The following CDH4 variants were observed in gnomAD, a reference collection of about 807,000 sequenced individuals.
CDH4 encodes cadherin-4.
In CDH4, 33 loss-of-function variants were observed where a neutral mutation model predicts 86.0. The ratio of observed to expected loss-of-function variants is 0.38; its 90% CI spans 0.29 to 0.51. The LOEUF is 0.51. Among genes scored for constraint, CDH4 ranks in the 20% least tolerant of loss-of-function variants. The pLI is 0.86. For synonymous variants in CDH4, 555 were observed against 549.4 expected, an observed-to-expected ratio of 1.01 and a Z score of -0.14; for missense variants, 1,114 against 1,307.4, an observed-to-expected ratio of 0.85 and a Z score of 2.28.
intron 2 of CDH4, among the ~76,000 whole-genome samples, chr20:61,288,352 C>A (rs2084304060): frequency 1.3e-5 from 2 of 152,176 alleles, no homozygotes; most frequent in African/African-American, 4.8e-5. Flanking sequence ...GGCAGACAAC[C>A]TAATGCCCTT....
chr20:61,519,418 C>T (rs1030091629), intron 2 of CDH4, among the ~76,000 whole-genome samples: 21 of 152,182 alleles, frequency 1.4e-4, no homozygotes, highest in Non-Finnish European at 2.4e-4. Flanking sequence ...ATGCAGGTGC[C>T]GGCGGGAGGT....
Position 61,590,442 on chromosome 20 carries a change from ACT to A in CDH4, c.170-153115_170-153114del, listed in dbSNP as rs1277109704. 1.8e-4 allele frequency among the ~76,000 whole-genome samples: 27 copies of A among 152,084 alleles called. No homozygotes were observed. In the East Asian group the frequency reaches 4.8e-3, roughly 27 times the overall value. ...CGTCTACTCACACCCGAAGGAGGGC[ACT>A]CTCTCCCGATCTGCGACAGTCAGCC... On this transcript the variant is annotated intron_variant, in intron 2 of 15. Transcript: ENST00000614565.
chr20:61,889,342 G>GGA (rs1240912523), intron 7 of CDH4, among the ~76,000 whole-genome samples: 2 of 145,988 alleles, frequency 1.4e-5, no homozygotes, highest in African/African-American at 2.6e-5. Context: ...GGATGGATGG[G>GGA]TGAGTGGATG....
intron 2 of CDH4, among the ~76,000 whole-genome samples, chr20:61,432,041 C>T (rs2085250393): frequency 6.6e-6 from 1 of 152,178 alleles, no homozygotes; most frequent in African/African-American, 2.4e-5. Flanking sequence ...TATCCGTTCC[C>T]CTTCTGATGT....
rs547577961 is a variant in CDH4, at chr20:61,259,336, A to T, written c.169+4399A>T. On this transcript the variant is annotated intron_variant, in intron 2 of 15. Coordinates refer to ENST00000614565, the MANE Select transcript of CDH4 (RefSeq NM_001794.5). ...TAGGTTGAAGATAGGCTCTTTGCCC[A>T]TGCAGTTTGGTTTGAACCACCTCTG... 8.5e-5 allele frequency among the ~76,000 whole-genome samples: 13 copies of T among 152,330 alleles called. No homozygotes were observed. In the South Asian group the frequency reaches 2.7e-3, roughly 32 times the overall value.
intron 4 of CDH4, among the ~76,000 whole-genome samples, chr20:61,831,284 T>A (rs569984893): frequency 5.0e-4 from 76 of 152,342 alleles, no homozygotes; most frequent in African/African-American, 1.7e-3. Flanking sequence ...TGGTGATGGG[T>A]CCTCGTGGTG....
chr20:61,529,580 A>G (rs2085936899), intron 2 of CDH4, among the ~76,000 whole-genome samples: 1 of 152,234 alleles, frequency 6.6e-6, no homozygotes, highest in African/African-American at 2.4e-5. Context: ...AATCTCTGTC[A>G]TCTGCAGGTC....
At chr20:61,554,969 G>A (rs928424953) in intron 2 of CDH4, among the ~76,000 whole-genome samples, 1 of 152,256 alleles carries the variant, frequency 6.6e-6, no homozygotes, top group African/African-American at 2.4e-5. Context: ...GTGCAAGTGT[G>A]TTTACATGGC....
intron 2 of CDH4, among the ~76,000 whole-genome samples, chr20:61,275,385 G>A (rs1170636165): frequency 7.7e-5 from 8 of 104,022 alleles, no homozygotes; most frequent in Non-Finnish European, 1.1e-4. Context: ...GGGGAGTACT[G>A]TGTGCAGTTT....
intron 4 of CDH4, among the ~76,000 whole-genome samples, chr20:61,789,082 C>G (rs1979028006): frequency 6.6e-6 from 1 of 152,134 alleles, no homozygotes; most frequent in Non-Finnish European, 1.5e-5. Flanking sequence ...TCGTCTGACA[C>G]AGGTGTGGGT....
At chr20:61,770,048 G>T (rs1231993352) in intron 3 of CDH4, among the ~76,000 whole-genome samples, 1 of 152,152 alleles carries the variant, frequency 6.6e-6, no homozygotes, top group African/African-American at 2.4e-5. Context: ...GTCTGGGCGA[G>T]GAAAGCATGG....
intron 2 of CDH4, among the ~76,000 whole-genome samples, chr20:61,266,417 G>A (rs1001005003): frequency 2.0e-5 from 3 of 151,996 alleles, no homozygotes; most frequent in South Asian, 2.1e-4. Context: ...TTCTGTGTCT[G>A]TATTGGAGAA....
At chr20:61,830,612 C>T (rs1346447844) in intron 4 of CDH4, among the ~76,000 whole-genome samples, 3 of 152,244 alleles carry the variant, frequency 2.0e-5, no homozygotes, top group Non-Finnish European at 1.5e-5. Flanking sequence ...AGCTTGCCCA[C>T]CTCAACAGAC....
chr20:61,554,659 C>A (rs1410045605), intron 2 of CDH4, among the ~76,000 whole-genome samples: 1 of 152,238 alleles, frequency 6.6e-6, no homozygotes, highest in Non-Finnish European at 1.5e-5. Flanking sequence ...GCTGAGCCTG[C>A]AGTGGGTGGG....
chr20:61,347,175 C>T (rs2084684403), intron 2 of CDH4, among the ~76,000 whole-genome samples: 1 of 152,224 alleles, frequency 6.6e-6, no homozygotes, highest in Non-Finnish European at 1.5e-5. Context: ...TGTGGGAGAC[C>T]AAAGTCATAG....
At chr20:61,734,028 C>G (rs2088229961) in intron 2 of CDH4, among the ~76,000 whole-genome samples, 1 of 152,216 alleles carries the variant, frequency 6.6e-6, no homozygotes, top group South Asian at 2.1e-4. Context: ...GTCTCCTGGC[C>G]CCTTTCACAG....
intron 2 of CDH4, among the ~76,000 whole-genome samples, chr20:61,351,407 G>A (rs1012154397): frequency 4.6e-5 from 7 of 152,138 alleles, no homozygotes; most frequent in Admixed American, 1.3e-4. Flanking sequence ...GGACTTGGGC[G>A]TCTACAGATT....
chr20:61,634,031 G>A (rs1448147501), intron 2 of CDH4, among the ~76,000 whole-genome samples: 3 of 152,142 alleles, frequency 2.0e-5, no homozygotes, highest in African/African-American at 4.8e-5. Context: ...TGAAACCTAC[G>A]GCAAGTCAGT....
chr20:61,272,825 A>C (rs914282836), intron 2 of CDH4, among the ~76,000 whole-genome samples: 3 of 128,602 alleles, frequency 2.3e-5, no homozygotes, highest in South Asian at 2.7e-4. Flanking sequence ...GGGGAGTACT[A>C]TGTGCAGTTT....
Sources: gnomAD v4.1 joint callset for allele counts (sites outside exome capture counted in the v4.1 genomes callset) on GRCh38, gnomAD v4.1.1 for gene constraint, MANE v1.5 for transcripts, NCBI Gene and HGNC (gene_info 2026-07-23, HGNC 2026-07-21) for gene names.